Variants in PTPRN2 observed in about 807,000 individuals in gnomAD.
PTPRN2 encodes the protein protein tyrosine phosphatase receptor type N2, also known as receptor-type tyrosine-protein phosphatase N2.
In PTPRN2, 74 loss-of-function variants were observed where a neutral mutation model predicts 118.8. The ratio of observed to expected loss-of-function variants is 0.62; its 90% CI spans 0.52 to 0.76. The LOEUF (loss-of-function observed/expected upper bound fraction) is 0.76. PTPRN2 is among the 30% of genes least tolerant of loss of function. The probability of loss-of-function intolerance (pLI) is 0.00; values close to 1 mark genes in which losing one functional copy is unlikely to be tolerated. For synonymous variants in PTPRN2, 641 were observed against 608.0 expected, an observed-to-expected ratio of 1.05 and a Z score of -0.80; for missense variants, 1,481 against 1,394.4, an observed-to-expected ratio of 1.06 and a Z score of -0.99.
At chr7:157,544,525 A>C (rs221264) in intron 22 of PTPRN2, among the ~76,000 whole-genome samples, 146,149 of 152,160 alleles carry the variant, frequency 0.96, 70,283 homozygotes, top group Middle Eastern at 1. Flanking sequence ...TGGACATGCG[A>C]GGGGCCTCCC....
Position 158,039,832 on chromosome 7 carries a change from C to G in PTPRN2, c.1723+41466G>C, listed in dbSNP as rs562635511. ...TATCAGACAATGAATCTCAAATACCCATGATGAATATGAGAAGTGCTCTAG... is the reference window on the plus strand; with the variant it reads ...TATCAGACAATGAATCTCAAATACCGATGATGAATATGAGAAGTGCTCTAG... On this transcript the variant is annotated intron_variant, in intron 11 of 22. Coordinates refer to ENST00000389418, the MANE Select transcript of PTPRN2 (RefSeq NM_002847.5). Among the ~76,000 whole-genome samples, 3 of 152,228 alleles carry G rather than the reference C, an allele frequency of 2.0e-5. No homozygotes were observed. The East Asian group carries it at 5.8e-4, about 29-fold the overall frequency.
At chr7:157,818,372 C>A (rs944888319) in intron 12 of PTPRN2, among the ~76,000 whole-genome samples, 5 of 151,364 alleles carry the variant, frequency 3.3e-5, no homozygotes, top group African/African-American at 1.2e-4. Context: ...GGAAATGACA[C>A]GGGGGCTGTG....
chr7:158,469,974 A>G (rs749173824), intron 2 of PTPRN2, among the ~76,000 whole-genome samples: 2 of 151,790 alleles, frequency 1.3e-5, no homozygotes, highest in Non-Finnish European at 2.9e-5. Context: ...TCATAAAAGA[A>G]TTGGGAGCTG....
chr7:157,938,851 C>A (rs1585050019), intron 11 of PTPRN2, among the ~76,000 whole-genome samples: 1 of 152,334 alleles, frequency 6.6e-6, no homozygotes. Context: ...TTTAAATCTA[C>A]CGGAGTGGCC....
In PTPRN2 at chr7:158,256,177, C is replaced by T. The variant is rs150413839; in HGVS notation, c.278-50904G>A. 2.0e-3 allele frequency among the ~76,000 whole-genome samples: 299 copies of T among 152,254 alleles called. 2 individuals carry two copies. Among genetic ancestry groups the T allele is most frequent in the African/African-American group, 7.0e-3 (292 of 41,550 alleles). ...TGATGTGGGCAGGGAGTGTTGACGA[C>T]GATGCTTTGATGGTCCTCTTCTGTT... On this transcript the variant is annotated intron_variant, in intron 3 of 22. Transcript: ENST00000389418.
chr7:157,771,959 G>GAC (rs56309714), intron 12 of PTPRN2, among the ~76,000 whole-genome samples: 39,431 of 148,346 alleles, frequency 0.27, 6,626 homozygotes, highest in African/African-American at 0.46. Flanking sequence ...CACACATACA[G>GAC]ACAGACACAC....
At chr7:158,092,592 G>C (rs1476117536) in intron 10 of PTPRN2, among the ~76,000 whole-genome samples, 2 of 152,096 alleles carry the variant, frequency 1.3e-5, no homozygotes, top group Non-Finnish European at 2.9e-5. Flanking sequence ...TTCCCATCTT[G>C]TGGGCTATAC....
chr7:157,826,231 G>A (rs941190726), intron 12 of PTPRN2, among the ~76,000 whole-genome samples: 64 of 140,986 alleles, frequency 4.5e-4, no homozygotes, highest in Non-Finnish European at 7.2e-4. Flanking sequence ...AATCGCGAGC[G>A]CCATTTCCAC....
At chr7:158,090,472 C>T (rs1814026903) in intron 10 of PTPRN2, among the ~76,000 whole-genome samples, 1 of 152,212 alleles carries the variant, frequency 6.6e-6, no homozygotes, top group Non-Finnish European at 1.5e-5. Flanking sequence ...GTAATTTTAG[C>T]TATAGTTACC....
rs1410247400 is a variant in PTPRN2 at position 158,529,102 on chromosome 7, C to T, written c.113-39317G>A. On this transcript the variant is annotated intron_variant, in intron 1 of 22. Transcript: ENST00000389418. This position sits in a 1 kb window ranked among gnomAD's most constrained non-coding sequence, Gnocchi z 4.7. Reference sequence around the variant, plus strand: ...GAAAAGTCACCCAAATGCCTCAATCCCCTTCTCAGACAGGCAGACAGACAA... The same window carrying T: ...GAAAAGTCACCCAAATGCCTCAATCTCCTTCTCAGACAGGCAGACAGACAA... Among the ~76,000 whole-genome samples the T allele has an allele frequency of 6.6e-6, 1 of 152,152 alleles. No homozygotes were observed. Among genetic ancestry groups the T allele is most frequent in the Non-Finnish European group, 1.5e-5 (1 of 68,020 alleles).
At chr7:158,467,048 C>T (rs937236830) in intron 2 of PTPRN2, among the ~76,000 whole-genome samples, 6 of 152,142 alleles carry the variant, frequency 3.9e-5, no homozygotes, top group Non-Finnish European at 5.9e-5. Context: ...CCAAGTGTCC[C>T]TTTTCTCTAC....
intron 2 of PTPRN2, among the ~76,000 whole-genome samples, chr7:158,363,296 G>A (rs1809154708): frequency 1.3e-5 from 2 of 152,224 alleles, no homozygotes; most frequent in East Asian, 3.9e-4. Context: ...AGGACGCTCA[G>A]GTGCTCGCAG....
In PTPRN2 at chr7:157,784,109, A is replaced by C. The variant is rs1803861431; in HGVS notation, c.1789-101172T>G. ...GAAGGAAGCTGGGATGGGTGTGTTT[A>C]GTTCTGCTTCCAGGGACTATTCCTA... On this transcript the variant is annotated intron_variant, in intron 12 of 22. Transcript: ENST00000389418. The surrounding 1 kb of genome is among the most constrained non-coding windows in gnomAD (Gnocchi z 4.6). Among the ~76,000 whole-genome samples the C allele has an allele frequency of 6.6e-6, 1 of 152,156 alleles. No individual in the cohort carries two copies. The highest frequency in any genetic ancestry group is 1.5e-5 in the Non-Finnish European group (1 of 68,026).
intron 11 of PTPRN2, among the ~76,000 whole-genome samples, chr7:157,967,899 T>C (rs1376081918): frequency 3.3e-5 from 5 of 152,220 alleles, no homozygotes; most frequent in Non-Finnish European, 5.9e-5. Context: ...AATGAGCTCA[T>C]CTCATGCACG....
chr7:157,642,178 C>T (rs1009562030), intron 14 of PTPRN2, among the ~76,000 whole-genome samples: 5 of 152,216 alleles, frequency 3.3e-5, no homozygotes, highest in South Asian at 2.1e-4. Context: ...AGCCCTTCAC[C>T]CCCTTTTGCC....
chr7:158,349,728 G>A (rs1807779070), intron 2 of PTPRN2, among the ~76,000 whole-genome samples: 1 of 98,360 alleles, frequency 1.0e-5, no homozygotes, highest in East Asian at 3.1e-4. Context: ...ACGTCACTGT[G>A]CTCCCTGGGT....
At chr7:158,115,770 G>C (rs543463173) in intron 9 of PTPRN2, among the ~76,000 whole-genome samples, 3 of 152,294 alleles carry the variant, frequency 2.0e-5, no homozygotes, top group East Asian at 1.9e-4. Context: ...ATAGCACTGC[G>C]AGTGGACTCA....
At chr7:157,969,047 T>G (rs1032650346) in intron 11 of PTPRN2, among the ~76,000 whole-genome samples, 2 of 152,224 alleles carry the variant, frequency 1.3e-5, no homozygotes, top group African/African-American at 2.4e-5. Flanking sequence ...GGATAAATTA[T>G]GAGAGTCTGT....
intron 1 of PTPRN2, among the ~76,000 whole-genome samples, chr7:158,514,213 T>C (rs1823378551): frequency 6.6e-6 from 1 of 152,188 alleles, no homozygotes; most frequent in Admixed American, 6.5e-5. Context: ...ATCACAGGTA[T>C]ACCTGGTATA....
Sources: allele counts gnomAD v4.1 joint callset (sites outside exome capture counted in the v4.1 genomes callset), GRCh38; gene constraint gnomAD v4.1.1; non-coding constraint Gnocchi (gnomAD v3.1); transcripts MANE v1.5; gene names NCBI Gene and HGNC (gene_info 2026-07-23, HGNC 2026-07-21).